The following EXT2 variants were observed in gnomAD, a reference collection of about 807,000 sequenced individuals.
EXT2 encodes exostosin-2.
EXT2 carries 53 observed loss-of-function variants against 81.6 expected under a neutral mutation model. The ratio of observed to expected loss-of-function variants is 0.65; its 90% CI spans 0.52 to 0.82. EXT2 has a LOEUF of 0.82. Among genes scored for constraint, EXT2 ranks in the 40% least tolerant of loss-of-function variants. EXT2 has a pLI of 0.00. For synonymous variants in EXT2, 320 were observed against 340.0 expected (o/e 0.94, Z 0.65); for missense variants, 774 against 910.2 (o/e 0.85, Z 1.93).
intron 10 of EXT2, among the ~76,000 whole-genome samples, chr11:44,216,812 G>T (rs890339818): frequency 1.2e-4 from 18 of 151,494 alleles, no homozygotes; most frequent in Admixed American, 2.0e-4. Context: ...GGGAAGAGAT[G>T]TAAGATAAAT....
At chr11:44,107,361 G>A (rs1179523116) in intron 1 of EXT2, among the ~76,000 whole-genome samples, 3 of 152,058 alleles carry the variant, frequency 2.0e-5, no homozygotes, top group East Asian at 3.9e-4. Context: ...TTGGGAGGCC[G>A]AGGCAGGCTG....
At chr11:44,097,766 AAATAAAT>A (rs1298442634) in intron 1 of EXT2, among the ~76,000 whole-genome samples, 1,460 of 7,730 alleles carry the variant, frequency 0.19, 54 homozygotes, top group African/African-American at 0.47. Flanking sequence ...CTCAAAAAAT[AAATAAAT>A]AAATAAATAA....
rs1956087552 is a variant in EXT2, at chr11:44,245,677, T to C, written c.*1390T>C. ...CAGTCATACACCATCCATTGTTCTG[T>C]TGAGTGACATGAAGGTGGGCAGTTA... is the stretch of plus-strand genomic sequence containing the variant. On this transcript the variant is annotated 3_prime_UTR_variant, in exon 14 of 14. Transcript: ENST00000533608. Among the ~76,000 whole-genome samples, 1 of 152,206 alleles carries C rather than the reference T, an allele frequency of 6.6e-6. No individual in the cohort carries two copies. The highest frequency in any genetic ancestry group is 1.5e-5 in the Non-Finnish European group (1 of 68,040).
At position 44,126,862 on chromosome 11, in the gene EXT2, C is replaced by T. The variant is rs775990599; in HGVS notation, c.986C>T (p.Ala329Val). The change falls in exon 6 of 14, where the codon GCA becomes GTA. Residue 329 changes from alanine (A) to valine (V), a missense_variant. Coordinates refer to ENST00000533608, the MANE Select transcript of EXT2 (RefSeq NM_207122.2). ...VVLRGARLGQ[A>V]VLSDVLQAGC... is the part of the protein sequence containing the mutation. ...CTTCGTGGAGCTCGGCTGGGCCAGGCAGTATTGAGCGATGTGTTACAAGCT... is the reference window on the plus strand; with the variant it reads ...CTTCGTGGAGCTCGGCTGGGCCAGGTAGTATTGAGCGATGTGTTACAAGCT... The T allele has an allele frequency of 1.2e-6, 2 of 1,613,976 alleles. No homozygotes were observed. Among genetic ancestry groups the T allele is most frequent in the African/African-American group, 1.3e-5 (1 of 74,886 alleles).
chr11:44,119,138 A>T (rs1189451740), intron 4 of EXT2, among the ~76,000 whole-genome samples: 3 of 30,172 alleles, frequency 9.9e-5, no homozygotes, highest in Admixed American at 3.0e-4. Context: ...ATATATATAT[A>T]TATATATATA....
At chr11:44,169,161 A>T (rs1427046535) in intron 7 of EXT2, among the ~76,000 whole-genome samples, 1 of 152,132 alleles carries the variant, frequency 6.6e-6, no homozygotes, top group East Asian at 1.9e-4. Flanking sequence ...TGGAGGTTGC[A>T]GTGAGCTGAG....
At chr11:44,183,817 A>G (rs1241392860) in intron 8 of EXT2, among the ~76,000 whole-genome samples, 1 of 152,148 alleles carries the variant, frequency 6.6e-6, no homozygotes. Flanking sequence ...TCTTCATAGC[A>G]TCTTTTTTTC....
chr11:44,187,185 G>T (rs182352418), intron 8 of EXT2, among the ~76,000 whole-genome samples: 35 of 151,770 alleles, frequency 2.3e-4, no homozygotes, highest in African/African-American at 8.2e-4. Context: ...TTATAGGTGT[G>T]CACCACATGC....
chr11:44,208,065 T>A (rs1262605071), intron 10 of EXT2, among the ~76,000 whole-genome samples: 2 of 152,220 alleles, frequency 1.3e-5, no homozygotes, highest in Non-Finnish European at 2.9e-5. Flanking sequence ...TTTTTGGATT[T>A]ATTTTTATTC....
At chr11:44,223,866 T>C (rs963359831) in intron 10 of EXT2, among the ~76,000 whole-genome samples, 9 of 152,092 alleles carry the variant, frequency 5.9e-5, no homozygotes, top group Non-Finnish European at 1.0e-4. Context: ...TTACCCAGGA[T>C]AGTCTCGATC....
chr11:44,150,943 G>A (rs148420916), intron 7 of EXT2, among the ~76,000 whole-genome samples: 4 of 152,276 alleles, frequency 2.6e-5, no homozygotes, highest in Admixed American at 6.5e-5. Context: ...CTTTTCCCCC[G>A]TAGAATTACA....
At chr11:44,225,241 T>G (rs895419524) in intron 10 of EXT2, among the ~76,000 whole-genome samples, 11 of 152,208 alleles carry the variant, frequency 7.2e-5, no homozygotes, top group Non-Finnish European at 1.6e-4. Context: ...GGGGTTAATC[T>G]TTCATTTAGC....
At chr11:44,185,253 C>A (rs561141931) in intron 8 of EXT2, among the ~76,000 whole-genome samples, 5 of 152,332 alleles carry the variant, frequency 3.3e-5, no homozygotes, top group African/African-American at 1.2e-4. Flanking sequence ...TGGCCCTCTG[C>A]GGTGCCACAG....
chr11:44,216,302 T>G (rs1347235587), intron 10 of EXT2, among the ~76,000 whole-genome samples: 2 of 152,174 alleles, frequency 1.3e-5, no homozygotes, highest in Non-Finnish European at 2.9e-5. Context: ...TTGTAATGAT[T>G]CTAAGCCATC....
rs1035251091 is a variant in EXT2 at position 44,164,947 on chromosome 11, C to T, written c.1174-6664C>T. Among the ~76,000 whole-genome samples, 6 of 148,578 alleles carry T rather than the reference C, an allele frequency of 4.0e-5. No individual in the cohort carries two copies. In the East Asian group the frequency reaches 1.2e-3, roughly 30 times the overall value. ...AGGCTGGAGTGCAGTGGCGGGATCTCGGCTCACTGCAAGCTCCGCCTCCCG... is the reference window on the plus strand; with the variant it reads ...AGGCTGGAGTGCAGTGGCGGGATCTTGGCTCACTGCAAGCTCCGCCTCCCG... On this transcript the variant is annotated intron_variant, in intron 7 of 13. Transcript: ENST00000533608.
At chr11:44,240,833 G>A (rs1244698301) in intron 13 of EXT2, among the ~76,000 whole-genome samples, 2 of 152,164 alleles carry the variant, frequency 1.3e-5, no homozygotes, top group South Asian at 2.1e-4. Context: ...ATAAAGAGAT[G>A]ATGTTACAAC....
rs1180985015 is a variant in EXT2 at position 44,119,159 on chromosome 11, T to C, written c.743+4858T>C. On this transcript the variant is annotated intron_variant, in intron 4 of 13. Coordinates refer to ENST00000533608, the MANE Select transcript of EXT2 (RefSeq NM_207122.2). ...ATATATATATATATATATATATATA[T>C]ATATATATATACACATACACACACA... 9.1e-3 allele frequency among the ~76,000 whole-genome samples: 403 copies of C among 44,354 alleles called. 21 individuals carry two copies. Among genetic ancestry groups the C allele is most frequent in the African/African-American group, 0.024 (383 of 15,640 alleles). The allele number at this position is 44,354 out of a possible 152,430, so 29.1% of individuals were successfully genotyped here.
chr11:44,230,546 G>A (rs1955886376), intron 10 of EXT2, among the ~76,000 whole-genome samples: 1 of 152,136 alleles, frequency 6.6e-6, no homozygotes, highest in African/African-American at 2.4e-5. Context: ...ACAGACTGAT[G>A]TCCTTATCGA....
chr11:44,221,939 G>A (rs1347788385), intron 10 of EXT2, among the ~76,000 whole-genome samples: 1 of 152,176 alleles, frequency 6.6e-6, no homozygotes, highest in South Asian at 2.1e-4. Context: ...AAGGATCAGA[G>A]TAGTCCCAGA....
Sources: gnomAD v4.1 joint callset for allele counts (sites outside exome capture counted in the v4.1 genomes callset) on GRCh38, gnomAD v4.1.1 for gene constraint, MANE v1.5 for transcripts, NCBI Gene and HGNC (gene_info 2026-07-23, HGNC 2026-07-21) for gene names.